FSTL5: variants seen among roughly 807,000 people sequenced by gnomAD.
FSTL5 encodes the protein follistatin-related protein 5.
A neutral mutation model predicts 89.1 loss-of-function variants in FSTL5; 62 were observed. The observed-to-expected ratio is 0.70, with a 90% CI of 0.57 to 0.86. The LOEUF is 0.86. Among genes scored for constraint, FSTL5 ranks in the 40% least tolerant of loss-of-function variants. The pLI is 0.00. For synonymous variants in FSTL5, 383 were observed against 346.2 expected (o/e 1.11, Z -1.18); for missense variants, 1,057 against 1,001.6 (o/e 1.06, Z -0.75).
chr4:161,943,426 G>T (rs994855906), intron 3 of FSTL5, among the ~76,000 whole-genome samples: 2 of 144,850 alleles, frequency 1.4e-5, no homozygotes, highest in African/African-American at 2.6e-5. Flanking sequence ...TTCTGCTCAT[G>T]TTATTTTAAT....
intron 4 of FSTL5, among the ~76,000 whole-genome samples, chr4:161,783,327 A>C (rs1417518988): frequency 6.6e-6 from 1 of 152,136 alleles, no homozygotes; most frequent in Non-Finnish European, 1.5e-5. Flanking sequence ...AATATATGAG[A>C]GCTAATGCTC....
chr4:161,588,188 A>T (rs905743044), intron 7 of FSTL5, among the ~76,000 whole-genome samples: 1 of 152,118 alleles, frequency 6.6e-6, no homozygotes, highest in African/African-American at 2.4e-5. Context: ...TAAATAAATA[A>T]TTACAAATTA....
chr4:161,778,747 T>C (rs7665529), intron 4 of FSTL5, among the ~76,000 whole-genome samples: 111,741 of 152,168 alleles, frequency 0.73, 41,083 homozygotes, highest in Non-Finnish European at 0.76. Context: ...CATTGACAAA[T>C]GAGAGAAGTA....
chr4:161,820,307 G>T (rs1055720638), intron 4 of FSTL5, among the ~76,000 whole-genome samples: 1 of 152,086 alleles, frequency 6.6e-6, no homozygotes, highest in Non-Finnish European at 1.5e-5. Flanking sequence ...GGAGAAAAAT[G>T]TAAGAATTCA....
intron 4 of FSTL5, among the ~76,000 whole-genome samples, chr4:161,810,469 T>C (rs958929694): frequency 6.6e-6 from 1 of 152,122 alleles, no homozygotes; most frequent in African/African-American, 2.4e-5. Context: ...GAGAAGGGTG[T>C]AGAAATGTTT....
chr4:161,926,757 C>A (rs1326181791), intron 3 of FSTL5, among the ~76,000 whole-genome samples: 1 of 151,824 alleles, frequency 6.6e-6, no homozygotes, highest in Non-Finnish European at 1.5e-5. Context: ...TTTCTAAGTT[C>A]TATCTAAAGC....
chr4:161,933,781 T>A (rs192542301), intron 3 of FSTL5, among the ~76,000 whole-genome samples: 1 of 152,114 alleles, frequency 6.6e-6, no homozygotes, highest in East Asian at 1.9e-4. Context: ...AGCCAATCTG[T>A]ACAGTTATCC....
At chr4:161,487,793 A>G (rs1324582898) in intron 12 of FSTL5, among the ~76,000 whole-genome samples, 1 of 152,100 alleles carries the variant, frequency 6.6e-6, no homozygotes, top group Non-Finnish European at 1.5e-5. Context: ...ACTTGGAGAT[A>G]TAATGTTCAG....
intron 6 of FSTL5, among the ~76,000 whole-genome samples, chr4:161,753,815 G>T (rs1227871656): frequency 1.3e-5 from 2 of 151,978 alleles, no homozygotes; most frequent in African/African-American, 4.8e-5. Flanking sequence ...GGCCGAGGCG[G>T]GTGGATTATG....
chr4:162,052,527 A>G (rs1738410732), intron 2 of FSTL5, among the ~76,000 whole-genome samples: 1 of 151,704 alleles, frequency 6.6e-6, no homozygotes, highest in African/African-American at 2.4e-5. Flanking sequence ...CCTGCAACCC[A>G]TTATTATGAA....
At chr4:161,725,635 A>G (rs992769402) in intron 6 of FSTL5, among the ~76,000 whole-genome samples, 2 of 152,118 alleles carry the variant, frequency 1.3e-5, no homozygotes, top group African/African-American at 4.8e-5. Flanking sequence ...ATCTGTAAAA[A>G]GACAAGTTTT....
chr4:162,121,434 G>A (rs763455506), intron 1 of FSTL5, among the ~76,000 whole-genome samples: 2 of 151,964 alleles, frequency 1.3e-5, no homozygotes, highest in Non-Finnish European at 2.9e-5. Flanking sequence ...GTGAAAAGGT[G>A]CATTACATAT....
Position 161,455,030 on chromosome 4 carries a change from G to C in FSTL5, c.1815C>G (p.Thr605=). ...FDRVDDFFIP[T]TTLIITHMRF... is the part of the protein sequence containing the mutation. ...TCATATGGGTGATAATGAGTGTTGT[G>C]GTGGGAATGAAAAAATCATCCACTC... The change falls in exon 15 of 16, where the codon ACC becomes ACG. Residue 605 remains threonine (T), a synonymous_variant. Transcript: ENST00000306100. 1 of 1,613,392 alleles carries C rather than the reference G, an allele frequency of 6.2e-7. No homozygotes were observed. The highest frequency in any genetic ancestry group is 1.1e-5 in the South Asian group (1 of 91,006).
intron 7 of FSTL5, among the ~76,000 whole-genome samples, chr4:161,618,602 T>G (rs1426027955): frequency 6.6e-6 from 1 of 152,148 alleles, no homozygotes; most frequent in African/African-American, 2.4e-5. Flanking sequence ...TTCTCTTCGG[T>G]TCTGTTTATA....
intron 3 of FSTL5, among the ~76,000 whole-genome samples, chr4:161,928,610 T>C (rs1487716338): frequency 2.6e-5 from 4 of 151,764 alleles, no homozygotes; most frequent in Non-Finnish European, 4.4e-5. Context: ...ATTTTTACCA[T>C]TCAATTAGGT....
At chr4:161,955,780 T>G (rs1455348294) in intron 3 of FSTL5, among the ~76,000 whole-genome samples, 1 of 151,864 alleles carries the variant, frequency 6.6e-6, no homozygotes, top group East Asian at 1.9e-4. Context: ...GCAGTTTCAA[T>G]GACCATGTGA....
At chr4:161,790,744 A>C (rs1393921078) in intron 4 of FSTL5, among the ~76,000 whole-genome samples, 1 of 152,236 alleles carries the variant, frequency 6.6e-6, no homozygotes, top group Non-Finnish European at 1.5e-5. Context: ...CCAGAGACAC[A>C]GTTTAAATGG....
intron 3 of FSTL5, among the ~76,000 whole-genome samples, chr4:162,014,524 C>G (rs1560970697): frequency 6.7e-6 from 1 of 148,830 alleles, no homozygotes; most frequent in Non-Finnish European, 1.5e-5. Flanking sequence ...CAAGAATTTC[C>G]TGTGCCTTGA....
chr4:161,799,054 C>T (rs991282571), intron 4 of FSTL5, among the ~76,000 whole-genome samples: 5 of 151,608 alleles, frequency 3.3e-5, no homozygotes, highest in African/African-American at 1.2e-4. Context: ...CTCACAGTTA[C>T]CGAAAAGCAA....
Sources: allele counts gnomAD v4.1 joint callset (sites outside exome capture counted in the v4.1 genomes callset), GRCh38; gene constraint gnomAD v4.1.1; transcripts MANE v1.5; gene names NCBI Gene and HGNC (gene_info 2026-07-23, HGNC 2026-07-21).